Variants in MRTFB observed in about 807,000 individuals in gnomAD.
The protein encoded by MRTFB is myocardin related transcription factor B.
In MRTFB, 29 loss-of-function variants were observed where a neutral mutation model predicts 104.2. That is an observed-to-expected ratio of 0.28 (90% CI 0.21 to 0.38). MRTFB has a LOEUF of 0.38. Among genes scored for constraint, MRTFB ranks in the 10% least tolerant of loss-of-function variants. The pLI is 1.00. For synonymous variants in MRTFB, 535 were observed against 519.5 expected (o/e 1.03, Z -0.41); for missense variants, 1,270 against 1,341.6 (o/e 0.95, Z 0.83).
rs2043139973 is a variant in MRTFB, at chr16:14,248,985, A to T, written c.2307A>T (p.Pro769=). ...AGATAGCAACTGCTGCACAAATACC[A>T]ACTGCTGCCTTGGCCTCAGGCTTGG... The part of the protein sequence containing the change: ...QPQIATAAQI[P]TAALASGLAP... Residue 769 remains proline (P), a synonymous_variant, in exon 13 of 17, where the codon CCA becomes CCT. Transcript: ENST00000571589. The T allele has an allele frequency of 1.2e-6, 2 of 1,614,212 alleles. No individual in the cohort carries two copies. The highest frequency in any genetic ancestry group is 1.7e-6 in the Non-Finnish European group (2 of 1,180,034).
intron 2 of MRTFB, among the ~76,000 whole-genome samples, chr16:14,111,130 A>G (rs79272864): frequency 0.016 from 2,403 of 152,244 alleles, 66 homozygotes; most frequent in African/African-American, 0.054. Flanking sequence ...TAAATACCTT[A>G]GCCTATAAAT....
rs192445140 is a variant in MRTFB, at chr16:14,103,244, C to G, written c.-64+23890C>G. Among the ~76,000 whole-genome samples, 24 of 152,326 alleles carry G rather than the reference C, an allele frequency of 1.6e-4. No homozygotes were observed. In the East Asian group the frequency reaches 3.5e-3, roughly 22 times the overall value. On this transcript the variant is annotated intron_variant, in intron 2 of 16. Transcript: ENST00000571589. ...TTAAAGTCAGGGAATAGATCTTACT[C>G]ATCTCCATATCCCAGCACCCAGCAA...
intron 8 of MRTFB, among the ~76,000 whole-genome samples, chr16:14,224,078 T>A (rs2041881427): frequency 6.6e-6 from 1 of 151,932 alleles, no homozygotes; most frequent in Middle Eastern, 3.2e-3. Flanking sequence ...TGTCTTCACA[T>A]GACAGCAGGA....
At chr16:14,191,400 C>CT (rs2040177038) in intron 3 of MRTFB, among the ~76,000 whole-genome samples, 2 of 152,242 alleles carry the variant, frequency 1.3e-5, no homozygotes, top group Admixed American at 1.3e-4. Context: ...AAGAAAGGCA[C>CT]TTGATCCCAT....
At chr16:14,074,721 C>T (rs2033932565) in intron 1 of MRTFB, among the ~76,000 whole-genome samples, 1 of 152,106 alleles carries the variant, frequency 6.6e-6, no homozygotes, top group Admixed American at 6.5e-5. Context: ...TAATGATTAA[C>T]ACCAAAAACT....
At position 14,247,201 on chromosome 16, in the gene MRTFB, C is replaced by T. The variant is rs756446994; in HGVS notation, c.1941C>T (p.Cys647=). 3.1e-6 allele frequency: 5 copies of T among 1,614,190 alleles called. No individual in the cohort carries two copies. The highest frequency in any genetic ancestry group is 1.7e-5 in the Admixed American group (1 of 60,028). Residue 647 remains cysteine (C), a synonymous_variant, in exon 12 of 17, where the codon TGC becomes TGT. Transcript: ENST00000571589. The stretch of plus-strand genomic sequence containing the variant: ...AAGATGAGGCCTCACTCCCTGACTG[C>T]TCCAGCTCCAGGCAGCCCATCCCAG... The part of the protein sequence containing the change: ...SIKDEASLPD[C]SSSRQPIPVA...
At chr16:14,100,340 G>C (rs949768037) in intron 2 of MRTFB, among the ~76,000 whole-genome samples, 2 of 152,164 alleles carry the variant, frequency 1.3e-5, no homozygotes, top group Non-Finnish European at 2.9e-5. Context: ...AGATATTTTT[G>C]AGCATCTATT....
chr16:14,009,754 G>T, the MRTFB span: 1 of 152,100 alleles, frequency 6.6e-6, no homozygotes, highest in Non-Finnish European at 1.5e-5. Context: ...CCAACAACGT[G>T]AGTTTTATCC....
intron 2 of MRTFB, among the ~76,000 whole-genome samples, chr16:14,138,311 C>T (rs980109470): frequency 1.3e-5 from 2 of 152,100 alleles, no homozygotes; most frequent in African/African-American, 4.8e-5. Flanking sequence ...TTTTTATCTA[C>T]ATGTTTACTA....
chr16:14,029,415 A>T, the MRTFB span, among the ~76,000 whole-genome samples: 19 of 67,908 alleles, frequency 2.8e-4, no homozygotes, highest in South Asian at 5.8e-4. Context: ...TAAAAAAAAA[A>T]AAAAATATAT....
chr16:14,054,734 T>G, the MRTFB span, among the ~76,000 whole-genome samples: 2 of 152,200 alleles, frequency 1.3e-5, no homozygotes, highest in Admixed American at 1.3e-4. Flanking sequence ...GAGTCCATCA[T>G]AGTACTTAAT....
At chr16:14,225,068 C>T (rs1366825739) in intron 8 of MRTFB, among the ~76,000 whole-genome samples, 4 of 152,142 alleles carry the variant, frequency 2.6e-5, no homozygotes, top group Admixed American at 2.6e-4. Flanking sequence ...TGCCTGTAAT[C>T]CCAGCTACTC....
chr16:14,134,084 A>G (rs1050475059), intron 2 of MRTFB, among the ~76,000 whole-genome samples: 10 of 152,348 alleles, frequency 6.6e-5, no homozygotes, highest in African/African-American at 2.4e-4. Context: ...CTAAGAATGT[A>G]TCATGTTGGA....
At chr16:14,231,617 T>C (rs1038622735) in intron 8 of MRTFB, among the ~76,000 whole-genome samples, 1 of 151,988 alleles carries the variant, frequency 6.6e-6, no homozygotes, top group Non-Finnish European at 1.5e-5. Flanking sequence ...AGCTCCCGCT[T>C]GTGAGAACAT....
chr16:14,033,288 G>A, the MRTFB span, among the ~76,000 whole-genome samples: 8 of 152,092 alleles, frequency 5.3e-5, no homozygotes, highest in East Asian at 1.5e-3. Flanking sequence ...GCTTATGCCT[G>A]TAATCCCAGC....
chr16:14,109,648 G>C (rs1346410037), intron 2 of MRTFB, among the ~76,000 whole-genome samples: 1 of 152,132 alleles, frequency 6.6e-6, no homozygotes, highest in African/African-American at 2.4e-5. Context: ...TCACCAAGTT[G>C]TCCATTTTTA....
intron 16 of MRTFB, among the ~76,000 whole-genome samples, chr16:14,258,854 CA>C (rs1473713237): frequency 6.6e-6 from 1 of 151,956 alleles, no homozygotes; most frequent in East Asian, 1.9e-4. Context: ...ACATTAGCCA[CA>C]AAAAGAATCA....
At chr16:14,141,166 C>T (rs562060971) in intron 3 of MRTFB, 8 of 168,712 alleles carry the variant, frequency 4.7e-5, no homozygotes, top group Admixed American at 2.3e-4. Context: ...GCAAAGCTAT[C>T]TCAGTGATGA....
intron 7 of MRTFB, 87 bp from the exon 8 acceptor site, chr16:14,218,733 C>T: frequency 7.5e-7 from 1 of 1,335,664 alleles, no homozygotes; most frequent in South Asian, 1.6e-5. Context: ...CATAAATTTT[C>T]ATAGGAAACA....
Sources: allele counts gnomAD v4.1 joint callset (sites outside exome capture counted in the v4.1 genomes callset), GRCh38; gene constraint gnomAD v4.1.1; transcripts MANE v1.5; gene names NCBI Gene and HGNC (gene_info 2026-07-23, HGNC 2026-07-21).